ADSL: variants seen among roughly 807,000 people sequenced by gnomAD.
ADSL encodes adenylosuccinate lyase.
ADSL carries 44 observed loss-of-function variants against 62.1 expected under a neutral mutation model. That is an observed-to-expected ratio of 0.71 (90% confidence interval 0.56 to 0.91). The LOEUF (loss-of-function observed/expected upper bound fraction) is 0.91, where lower values mean the gene tolerates loss of function less well. ADSL is among the 40% of genes least tolerant of loss of function. The pLI, the probability that ADSL is intolerant of heterozygous loss-of-function variation, is 0.00. For synonymous variants in ADSL, 198 were observed against 220.5 expected, an observed-to-expected ratio of 0.90 and a Z score of 0.90; for missense variants, 531 against 627.4, an observed-to-expected ratio of 0.85 and a Z score of 1.64.
At chr22:40,377,640 C>T (rs1486372242) in intron 2 of ADSL, among the ~76,000 whole-genome samples, 1 of 151,828 alleles carries the variant, frequency 6.6e-6, no homozygotes, top group Non-Finnish European at 1.5e-5. Flanking sequence ...GTTTGAGACC[C>T]GCCTGGGCAA....
intron 12 of ADSL, among the ~76,000 whole-genome samples, chr22:40,365,880 A>G (rs1035556413): frequency 6.6e-6 from 1 of 151,982 alleles, no homozygotes; most frequent in Non-Finnish European, 1.5e-5. Flanking sequence ...AAAAAAATAC[A>G]AAGATGAATA....
Position 40,369,082 on chromosome 22 carries a change from A to T in ADSL, c.*2560A>T. The stretch of plus-strand genomic sequence containing the variant: ...GTTTATCTGTAATGTGAGAATTTAT[A>T]TTACATAACAGATACTGGGGATATA... On this transcript the variant is annotated 3_prime_UTR_variant, in exon 13 of 13. Transcript: ENST00000623063. 6.6e-6 allele frequency: 1 copy of T among 152,204 alleles called. No homozygotes were observed. Among genetic ancestry groups the T allele is most frequent in the East Asian group, 1.9e-4 (1 of 5,204 alleles). 9.4% of individuals were successfully genotyped at this position (152,204 alleles called of 1,614,324 possible). A position where few individuals can be genotyped will look rare whatever the true frequency, so the allele number is the denominator to read the frequency against.
chr22:40,350,057 A>G lies in ADSL; in HGVS notation c.357+22A>G, dbSNP rs763470668. 1.9e-6 allele frequency: 3 copies of G among 1,601,982 alleles called. No homozygotes were observed. In the East Asian group the frequency reaches 6.7e-5, roughly 36 times the overall value. ...TACTGTAGGCGCCTGTGTTGTTTATACTTAAAACTCAGTCTCTAGAATCTA... is the reference window on the plus strand; with the variant it reads ...TACTGTAGGCGCCTGTGTTGTTTATGCTTAAAACTCAGTCTCTAGAATCTA... On this transcript the variant is annotated intron_variant, in intron 2 of 12. Transcript: ENST00000623063.
chr22:40,354,243 T>G lies in ADSL; in HGVS notation c.403-5T>G. On this transcript the variant is annotated splice_polypyrimidine_tract_variant and splice_region_variant and intron_variant, in intron 3 of 12. Transcript: ENST00000623063. ...CCTCTTTCTATCACATGATCTTTCT[T>G]GTAGCTTGCCAGAGTGATCTCTCGG... The G allele has an allele frequency of 5.6e-6, 9 of 1,613,944 alleles. No individual in the cohort carries two copies. The highest frequency in any genetic ancestry group is 7.6e-6 in the Non-Finnish European group (9 of 1,179,778).
chr22:40,364,414 C>T, intron 11 of ADSL, 49 bp downstream of exon 11: 1 of 1,501,158 alleles, frequency 6.7e-7, no homozygotes, highest in Non-Finnish European at 9.2e-7. Context: ...CACGTTTGGT[C>T]CTGCTCTCTT....
chr22:40,383,060 A>G (rs964304447), intron 2 of ADSL, among the ~76,000 whole-genome samples: 10 of 152,238 alleles, frequency 6.6e-5, no homozygotes, highest in Non-Finnish European at 1.5e-4. Flanking sequence ...GGCGATTACT[A>G]CTTCAAACAT....
Position 40,353,085 on chromosome 22 carries a change from CT to C in ADSL, c.372del (p.Arg125GlufsTer14). On this transcript the variant is annotated frameshift_variant, in exon 3 of 13. Coordinates refer to ENST00000623063, the MANE Select transcript of ADSL (RefSeq NM_000026.4). LOFTEE classifies it high-confidence loss of function. Reference protein sequence around the residue: ...YVGDNTDLIILRNALDLLLPK... With the variant: ...YVGDNTDLIIXRNALDLLLPK... Reference sequence around the variant, plus strand: ...TTTTCTTTCGTAGGACTTGATTATTCTTAGAAATGCACTTGACCTGCTTTTG... The same window carrying C: ...TTTTCTTTCGTAGGACTTGATTATTCTAGAAATGCACTTGACCTGCTTTTG... The C allele has an allele frequency of 1.2e-6, 2 of 1,613,718 alleles. No homozygotes were observed. Among genetic ancestry groups the C allele is most frequent in the Non-Finnish European group, 1.7e-6 (2 of 1,179,662 alleles).
Position 40,362,992 on chromosome 22 carries a change from T to C in ADSL, c.1022T>C (p.Leu341Ser), listed in dbSNP as rs770755205. Residue 341 changes from leucine (L) to serine (S), a missense_variant, in exon 10 of 13, where the codon TTG (leucine) becomes TCG (serine). By Grantham distance (145) the Leu-to-Ser change is moderately radical. This residue lies in a region of ADSL where 471 missense variants were observed against 592.9 expected (regional missense o/e 0.79). Coordinates refer to ENST00000623063, the MANE Select transcript of ADSL (RefSeq NM_000026.4). ...TATTTGTTTTCTAGACGGATCTGTT[T>C]GGCCGAGGCATTTCTTACCGCAGAT... The part of the protein sequence containing the change: ...LDDSANRRIC[L>S]AEAFLTADTI... The C allele has an allele frequency of 3.1e-6, 5 of 1,614,070 alleles. No individual in the cohort carries two copies. The highest frequency in any genetic ancestry group is 4.2e-6 in the Non-Finnish European group (5 of 1,179,890).
At chr22:40,384,166 C>G (rs2048046714) in intron 2 of ADSL, among the ~76,000 whole-genome samples, 1 of 151,670 alleles carries the variant, frequency 6.6e-6, no homozygotes, top group Non-Finnish European at 1.5e-5. Context: ...ATTGCTTGAG[C>G]CTGGGAAGTC....
Position 40,366,703 on chromosome 22 carries a change from T to C in ADSL, c.*181T>C, listed in dbSNP as rs554920608. 9.8e-5 allele frequency: 59 copies of C among 603,244 alleles called. 1 individual carries two copies. The South Asian group carries it at 9.9e-4, about 10-fold the overall frequency. The allele number at this position is 603,244 out of a possible 1,614,324, so 37.4% of individuals were successfully genotyped here. The stretch of plus-strand genomic sequence containing the variant: ...CTCAACAAGGCAAAAACAAAGAGCG[T>C]TGAAGTTGACTCTGCTCTTGCATAG... On this transcript the variant is annotated 3_prime_UTR_variant, in exon 13 of 13. Transcript: ENST00000623063.
At chr22:40,381,161 T>G (rs1181356542) in intron 2 of ADSL, among the ~76,000 whole-genome samples, 3 of 152,068 alleles carry the variant, frequency 2.0e-5, no homozygotes, top group Admixed American at 2.0e-4. Context: ...CTTTTTCTTT[T>G]TTTTGAGACA....
rs551642523 is a variant in ADSL, at chr22:40,363,562, C to G, written c.1101+491C>G. 2.0e-4 allele frequency among the ~76,000 whole-genome samples: 30 copies of G among 152,004 alleles called. No homozygotes were observed. In the South Asian group the frequency reaches 5.2e-3, roughly 26 times the overall value. Reference sequence around the variant, plus strand: ...ACTAGCCTGGCCAACATGGTAAAACCCTGTCTCTACTAAAAATACAAAAAT... The same window carrying G: ...ACTAGCCTGGCCAACATGGTAAAACGCTGTCTCTACTAAAAATACAAAAAT... On this transcript the variant is annotated intron_variant, in intron 10 of 12. Coordinates refer to ENST00000623063, the MANE Select transcript of ADSL (RefSeq NM_000026.4).
chr22:40,366,016 TAAG>T (rs1488575202), intron 12 of ADSL, among the ~76,000 whole-genome samples: 4 of 151,486 alleles, frequency 2.6e-5, no homozygotes, highest in African/African-American at 9.7e-5. Context: ...AGGAGACCAA[TAAG>T]GAGGCTACTG....
At chr22:40,383,192 G>A (rs1046823285) in intron 2 of ADSL, among the ~76,000 whole-genome samples, 24 of 152,112 alleles carry the variant, frequency 1.6e-4, no homozygotes, top group African/African-American at 5.8e-4. Context: ...GAACGGCCGG[G>A]TGCAGTGGCT....
At chr22:40,374,207 C>G (rs1230642948), downstream of ADSL, among the ~76,000 whole-genome samples, 1 of 152,126 alleles carries the variant, frequency 6.6e-6, no homozygotes, top group African/African-American at 2.4e-5. Flanking sequence ...CTGCCTCGGC[C>G]TCCCAAAGTG....
At position 40,358,996 on chromosome 22, in the gene ADSL, G is replaced by C; in HGVS notation, c.615G>C (p.Gln205His). The C allele has an allele frequency of 1.2e-6, 2 of 1,614,172 alleles. No individual in the cohort carries two copies. Among genetic ancestry groups the C allele is most frequent in the Non-Finnish European group, 1.7e-6 (2 of 1,180,020 alleles). ...FRGVKGTTGTQASFLQLFEGD... is the reference protein window; with the variant it reads ...FRGVKGTTGTHASFLQLFEGD... ...GAGTAAAGGGTACCACTGGCACTCA[G>C]GCCAGTTTCCTGCAGCTCTTTGAGG... Residue 205 changes from glutamine to histidine, a missense_variant, in exon 5 of 13, where the codon CAG becomes CAC. Physicochemically the swap from Gln to His is conservative, Grantham distance 24 (BLOSUM62 0). Transcript: ENST00000623063.
chr22:40,352,961 G>C lies in ADSL; in HGVS notation c.358-112G>C, dbSNP rs1220496226. The C allele has an allele frequency of 1.0e-5, 8 of 801,016 alleles. No individual in the cohort carries two copies. The Admixed American group carries it at 1.3e-4, about 13-fold the overall frequency. The allele number at this position is 801,016 out of a possible 1,614,324, so 49.6% of individuals were successfully genotyped here. Reference sequence around the variant, plus strand: ...TGGCGTGCTTAGTGGGTTGGTAGTGGTGATATAGGCTGGTAGCTGAGCAAC... The same window carrying C: ...TGGCGTGCTTAGTGGGTTGGTAGTGCTGATATAGGCTGGTAGCTGAGCAAC... On this transcript the variant is annotated intron_variant, in intron 2 of 12. Transcript: ENST00000623063.
Position 40,346,652 on chromosome 22 carries a change from G to T in ADSL, c.94G>T (p.Asp32Tyr). 1.9e-6 allele frequency: 3 copies of T among 1,613,166 alleles called. No homozygotes were observed. The highest frequency in any genetic ancestry group is 2.7e-5 in the African/African-American group (2 of 75,056). The change falls in exon 1 of 13, where the codon GAC becomes TAC. Residue 32 changes from aspartate to tyrosine, a missense_variant. Transcript: ENST00000623063. ...ASPEMCFVFSDRYKFRTWRQL... is the reference protein window; with the variant it reads ...ASPEMCFVFSYRYKFRTWRQL... ...CCCGGAGATGTGCTTCGTGTTTAGC[G>T]ACAGGTATAAATTCCGGACATGGCG...
At chr22:40,348,918 G>A in intron 1 of ADSL, 1 of 256,946 alleles carries the variant, frequency 3.9e-6, no homozygotes, top group Non-Finnish European at 7.3e-6. Context: ...TTTTTCCAGT[G>A]ATGGATGAAT....
Sources: allele counts gnomAD v4.1 joint callset (sites outside exome capture counted in the v4.1 genomes callset), GRCh38; gene constraint gnomAD v4.1.1; regional missense constraint gnomAD v4.1.1; transcripts MANE v1.5; gene names NCBI Gene and HGNC (gene_info 2026-07-23, HGNC 2026-07-21).